Variants in GPM6A observed in about 807,000 individuals in gnomAD.
The protein encoded by GPM6A is neuronal membrane glycoprotein M6-a.
GPM6A carries 7 observed loss-of-function variants against 32.1 expected under a neutral mutation model. The ratio of observed to expected loss-of-function variants is 0.22; its 90% CI spans 0.12 to 0.41. The LOEUF is 0.41. Among genes scored for constraint, GPM6A ranks in the 10% least tolerant of loss-of-function variants. GPM6A has a pLI of 1.00. For missense variants in GPM6A, 235 were observed against 347.2 expected (o/e 0.68, Z 2.57); for synonymous variants, 130 against 123.4 (o/e 1.05, Z -0.35).
At chr4:175,669,861 C>A (rs912770943) in intron 3 of GPM6A, among the ~76,000 whole-genome samples, 1 of 152,240 alleles carries the variant, frequency 6.6e-6, no homozygotes, top group East Asian at 1.9e-4. Context: ...TTGGACACAG[C>A]TTTTCAGGCA....
intron 2 of GPM6A, among the ~76,000 whole-genome samples, chr4:175,698,285 T>C (rs1423315950): frequency 6.6e-6 from 1 of 152,160 alleles, no homozygotes; most frequent in Non-Finnish European, 1.5e-5. Flanking sequence ...TTGAACTAAG[T>C]ATGAGAACTA....
intron 1 of GPM6A, among the ~76,000 whole-genome samples, chr4:175,942,007 G>C (rs1342892522): frequency 6.6e-6 from 1 of 152,200 alleles, no homozygotes; most frequent in African/African-American, 2.4e-5. Flanking sequence ...CAATGTAAAA[G>C]TGTTTCTATT....
At chr4:175,789,840 G>A (rs1369204134) in intron 1 of GPM6A, among the ~76,000 whole-genome samples, 1 of 152,182 alleles carries the variant, frequency 6.6e-6, no homozygotes, top group Non-Finnish European at 1.5e-5. Context: ...GTGTGCCAAT[G>A]TGCCTTTGTA....
intron 1 of GPM6A, among the ~76,000 whole-genome samples, chr4:175,817,315 C>T (rs1579536179): frequency 6.6e-6 from 1 of 152,204 alleles, no homozygotes; most frequent in South Asian, 2.1e-4. Context: ...TACCCCATTT[C>T]CTTTCATTCT....
intron 1 of GPM6A, among the ~76,000 whole-genome samples, chr4:175,723,047 G>C (rs969969627): frequency 6.6e-6 from 1 of 152,122 alleles, no homozygotes; most frequent in Non-Finnish European, 1.5e-5. Flanking sequence ...CCCGTCTAAA[G>C]TATTGAGACA....
At chr4:175,753,483 A>G (rs1239876086) in intron 1 of GPM6A, among the ~76,000 whole-genome samples, 1 of 152,188 alleles carries the variant, frequency 6.6e-6, no homozygotes, top group East Asian at 1.9e-4. Context: ...CAATTTTAAA[A>G]GGAATCCAAC....
chr4:175,802,706 G>A (rs1734519059), intron 1 of GPM6A, among the ~76,000 whole-genome samples: 1 of 152,016 alleles, frequency 6.6e-6, no homozygotes, highest in African/African-American at 2.4e-5. Flanking sequence ...TAAGCCTAGT[G>A]TCAGCAAATT....
intron 1 of GPM6A, among the ~76,000 whole-genome samples, chr4:175,764,333 C>T (rs1732875371): frequency 6.6e-6 from 1 of 152,150 alleles, no homozygotes; most frequent in African/African-American, 2.4e-5. Context: ...CATGTTGTAG[C>T]ATGTATCAGT....
intron 1 of GPM6A, chr4:175,806,986 A>G (rs1397427641): frequency 6.6e-6 from 1 of 152,234 alleles, no homozygotes; most frequent in Non-Finnish European, 1.5e-5. Flanking sequence ...GTGAGTAGCC[A>G]ACAGCTAAGA....
intron 4 of GPM6A, among the ~76,000 whole-genome samples, chr4:175,650,270 T>A (rs539812462): frequency 7.0e-6 from 1 of 143,140 alleles, no homozygotes; most frequent in African/African-American, 2.6e-5. Flanking sequence ...GATTTCATTA[T>A]TTTATTTATT....
At chr4:175,741,768 G>A (rs1350061893) in intron 1 of GPM6A, among the ~76,000 whole-genome samples, 3 of 151,974 alleles carry the variant, frequency 2.0e-5, no homozygotes, top group Admixed American at 6.6e-5. Flanking sequence ...TTTAGTTGGC[G>A]CTATTATATT....
intron 1 of GPM6A, among the ~76,000 whole-genome samples, chr4:175,793,762 C>G (rs1464231250): frequency 6.6e-6 from 1 of 152,114 alleles, no homozygotes; most frequent in East Asian, 1.9e-4. Context: ...AAATGCATTT[C>G]CCATTGTTTA....
intron 1 of GPM6A, among the ~76,000 whole-genome samples, chr4:175,970,548 G>C (rs1311831670): frequency 6.6e-6 from 1 of 152,192 alleles, no homozygotes; most frequent in Non-Finnish European, 1.5e-5. Context: ...GAAAGAGTTG[G>C]ACAGAGTTCT....
chr4:176,002,332 C>A (rs769460547), exon 1 of GPM6A: 1 of 1,588,716 alleles, frequency 6.3e-7, no homozygotes, highest in Non-Finnish European at 8.6e-7. Flanking sequence ...TCCTGCTTCT[C>A]TGCAGTCCCC....
intron 1 of GPM6A, among the ~76,000 whole-genome samples, chr4:175,916,605 G>A (rs112870808): frequency 1.6e-3 from 250 of 152,236 alleles, no homozygotes; most frequent in African/African-American, 5.7e-3. Context: ...ATCACACCAT[G>A]GGCATCCCTG....
chr4:175,858,729 C>T (rs115059248), intron 1 of GPM6A, among the ~76,000 whole-genome samples: 214 of 152,110 alleles, frequency 1.4e-3, no homozygotes, highest in African/African-American at 4.6e-3. Flanking sequence ...TAGGTGTATA[C>T]CCAAGAGAAA....
intron 1 of GPM6A, among the ~76,000 whole-genome samples, chr4:175,772,005 C>T (rs1733211029): frequency 6.6e-6 from 1 of 152,174 alleles, no homozygotes; most frequent in East Asian, 1.9e-4. Context: ...TTGGTCCTGT[C>T]ATTTTCTCCT....
At chr4:175,673,878 T>C (rs762407806) in intron 2 of GPM6A, 42 bp from the exon 3 acceptor site, 14 of 1,395,614 alleles carry the variant, frequency 1.0e-5, no homozygotes, top group African/African-American at 9.9e-5. Context: ...TAACTTTTCA[T>C]TGCTGCTGTG....
intron 4 of GPM6A, 27 bp downstream of exon 4, chr4:175,651,807 C>A: frequency 3.1e-6 from 5 of 1,588,260 alleles, no homozygotes; most frequent in Non-Finnish European, 4.3e-6. Context: ...TGGTGTTTTA[C>A]AGTTTAGAGA....
Sources: allele counts gnomAD v4.1 joint callset (sites outside exome capture counted in the v4.1 genomes callset), GRCh38; gene constraint gnomAD v4.1.1; transcripts MANE v1.5; gene names NCBI Gene and HGNC (gene_info 2026-07-23, HGNC 2026-07-21).